The following PTPRJ variants were observed in gnomAD, a reference collection of about 807,000 sequenced individuals.
PTPRJ encodes protein tyrosine phosphatase receptor type J, also known as receptor-type tyrosine-protein phosphatase eta.
In PTPRJ, 129 loss-of-function variants were observed where a neutral mutation model predicts 141.3. That is an observed-to-expected ratio of 0.91 (90% CI 0.79 to 1.06). The LOEUF is 1.06. Among genes scored for constraint, PTPRJ ranks in the 50% least tolerant of loss-of-function variants. The pLI is 0.00. For missense variants in PTPRJ, 1,601 were observed against 1,679.7 expected (o/e 0.95, Z 0.82); for synonymous variants, 610 against 640.5 (o/e 0.95, Z 0.72).
intron 8 of PTPRJ, among the ~76,000 whole-genome samples, chr11:48,134,804 C>T (rs1473431669): frequency 6.6e-6 from 1 of 152,114 alleles, no homozygotes; most frequent in East Asian, 1.9e-4. Flanking sequence ...GGGAGATGAT[C>T]GGAGGATGGG....
At chr11:48,053,568 T>G (rs945643803) in intron 1 of PTPRJ, among the ~76,000 whole-genome samples, 2 of 135,712 alleles carry the variant, frequency 1.5e-5, no homozygotes, top group Non-Finnish European at 3.0e-5. Context: ...AATTTATATA[T>G]ATATAAAACT....
chr11:48,116,457 A>T (rs1856568804), intron 3 of PTPRJ, among the ~76,000 whole-genome samples: 3 of 152,256 alleles, frequency 2.0e-5, no homozygotes, highest in Non-Finnish European at 2.9e-5. Context: ...GGACAGATTG[A>T]CTGCAATGCA....
At chr11:48,163,755 A>T in intron 23 of PTPRJ, 137 bp downstream of exon 23, 2 of 1,079,798 alleles carry the variant, frequency 1.9e-6, no homozygotes, top group Non-Finnish European at 2.6e-6. Flanking sequence ...GGAACCATGG[A>T]CTTACTCCCT....
chr11:48,129,135 T>C (rs1246576015), intron 7 of PTPRJ, among the ~76,000 whole-genome samples: 2 of 152,208 alleles, frequency 1.3e-5, no homozygotes, highest in African/African-American at 4.8e-5. Flanking sequence ...AAACAGAAAC[T>C]GTGAGCTATT....
intron 1 of PTPRJ, among the ~76,000 whole-genome samples, chr11:48,017,652 C>T (rs142446028): frequency 1.8e-4 from 27 of 152,306 alleles, no homozygotes; most frequent in Non-Finnish European, 3.5e-4. Context: ...TCAGCATCCT[C>T]TTCTGTGAGG....
At position 48,164,513 on chromosome 11, in the gene PTPRJ, G is replaced by T; in HGVS notation, c.3853G>T (p.Glu1285Ter). The part of the protein sequence containing the change: ...RMHRPLMVQT[E>*]DQYVFLNQCV... ...GCATAGGCCTTTAATGGTGCAGACA[G>T]AGGTGAGGCCAAGATCTGTATTTGA... is the stretch of plus-strand genomic sequence containing the variant. Residue 1285 changes from glutamate to a stop codon, truncating the protein, a stop_gained and splice_region_variant, in exon 24 of 25, where the codon GAG (glutamate) becomes TAG (stop). Coordinates refer to ENST00000418331, the MANE Select transcript of PTPRJ (RefSeq NM_002843.4). LOFTEE classifies it high-confidence loss of function. 1 of 1,601,434 alleles carries T rather than the reference G, an allele frequency of 6.2e-7. No individual in the cohort carries two copies. Among genetic ancestry groups the T allele is most frequent in the Non-Finnish European group, 8.5e-7 (1 of 1,172,666 alleles).
rs1856941665 is a variant in PTPRJ at position 48,130,313 on chromosome 11, C to T, written c.1358-146C>T. ...CAGAAACAGCAGTTTCTGAGGGGCT[C>T]ATGTTGTAGGTGATGATACAAAGAA... is the stretch of plus-strand genomic sequence containing the variant. On this transcript the variant is annotated intron_variant, in intron 7 of 24. Transcript: ENST00000418331. 6.3e-6 allele frequency: 5 copies of T among 790,136 alleles called. No homozygotes were observed. The Admixed American group carries it at 9.5e-5, about 15-fold the overall frequency. The allele number at this position is 790,136 out of a possible 1,614,324, so 48.9% of individuals were successfully genotyped here. A position where few individuals can be genotyped will look rare whatever the true frequency, so the allele number is the denominator to read the frequency against.
chr11:48,139,816 T>C, intron 11 of PTPRJ, 40 bp downstream of exon 11: 1 of 1,606,710 alleles, frequency 6.2e-7, no homozygotes, highest in Non-Finnish European at 8.5e-7. Flanking sequence ...GGCACTGTGA[T>C]CACTCCTGGA....
At chr11:48,066,102 C>G (rs1315817454) in intron 1 of PTPRJ, among the ~76,000 whole-genome samples, 1 of 152,142 alleles carries the variant, frequency 6.6e-6, no homozygotes, top group Admixed American at 6.5e-5. Flanking sequence ...GCTCTATAGT[C>G]ATGCCACTGC....
At chr11:48,070,500 CAAAAA>C (rs35904394) in intron 1 of PTPRJ, among the ~76,000 whole-genome samples, 1 of 73,232 alleles carries the variant, frequency 1.4e-5, no homozygotes, top group Non-Finnish European at 2.9e-5. Flanking sequence ...ACTCTGTCTC[CAAAAA>C]AAAAAAAAAA....
chr11:48,011,934 CATT>C (rs1446020416), intron 1 of PTPRJ, among the ~76,000 whole-genome samples: 1 of 152,116 alleles, frequency 6.6e-6, no homozygotes, highest in Non-Finnish European at 1.5e-5. Flanking sequence ...AAAGTGCTGA[CATT>C]ATAGGTGTGA....
intron 12 of PTPRJ, among the ~76,000 whole-genome samples, chr11:48,144,130 C>T (rs918840704): frequency 6.6e-5 from 10 of 152,044 alleles, no homozygotes; most frequent in African/African-American, 9.7e-5. Flanking sequence ...AACACACTGT[C>T]GGGGTTAGGG....
intron 2 of PTPRJ, 144 bp downstream of exon 2, chr11:48,110,220 T>C (rs1856404566): frequency 8.9e-6 from 9 of 1,011,438 alleles, no homozygotes; most frequent in Non-Finnish European, 1.3e-5. Context: ...CTTTTCTTTT[T>C]TTTTGAGTTG....
chr11:48,002,363 C>T (rs1412969880), intron 1 of PTPRJ, among the ~76,000 whole-genome samples: 2 of 152,002 alleles, frequency 1.3e-5, no homozygotes, highest in East Asian at 1.9e-4. Context: ...GTCTGGAACT[C>T]CTGACCTCAA....
intron 1 of PTPRJ, among the ~76,000 whole-genome samples, chr11:48,010,735 C>T (rs1387560128): frequency 6.6e-6 from 1 of 151,952 alleles, no homozygotes; most frequent in African/African-American, 2.4e-5. Context: ...GAGGTTTCAT[C>T]ATGTTGGCCA....
chr11:48,050,333 A>C (rs1190766545), intron 1 of PTPRJ, among the ~76,000 whole-genome samples: 1 of 152,020 alleles, frequency 6.6e-6, no homozygotes, highest in East Asian at 1.9e-4. Flanking sequence ...CCTGGCCCCC[A>C]CATATGCACG....
chr11:48,048,113 G>A (rs576894218), intron 1 of PTPRJ, among the ~76,000 whole-genome samples: 19 of 152,252 alleles, frequency 1.2e-4, no homozygotes, highest in African/African-American at 4.3e-4. Context: ...CTGCTGTTTC[G>A]AATCCTTTTC....
Position 48,130,726 on chromosome 11 carries a change from T to C in PTPRJ, c.1615+10T>C. 1.3e-6 allele frequency: 2 copies of C among 1,587,710 alleles called. No homozygotes were observed. Among genetic ancestry groups the C allele is most frequent in the East Asian group, 2.3e-5 (1 of 44,024 alleles). Reference sequence around the variant, plus strand: ...GTTTGCAATAGAACTGGTAAGCAAATAGGCTTTTCTGTTAAACCATCATGT... The same window carrying C: ...GTTTGCAATAGAACTGGTAAGCAAACAGGCTTTTCTGTTAAACCATCATGT... On this transcript the variant is annotated intron_variant, in intron 8 of 24. Transcript: ENST00000418331.
intron 8 of PTPRJ, 131 bp downstream of exon 8, chr11:48,130,847 C>T: frequency 1.0e-6 from 1 of 992,696 alleles, no homozygotes; most frequent in Non-Finnish European, 1.4e-6. Flanking sequence ...ATTTTCATAA[C>T]ACTAATGCTT....
Sources: gnomAD v4.1 joint callset for allele counts (sites outside exome capture counted in the v4.1 genomes callset) on GRCh38, gnomAD v4.1.1 for gene constraint, MANE v1.5 for transcripts, NCBI Gene and HGNC (gene_info 2026-07-23, HGNC 2026-07-21) for gene names.